SNAP47: variants seen among roughly 807,000 people sequenced by gnomAD.
SNAP47 encodes the protein synaptosomal-associated protein 47.
In SNAP47, 20 loss-of-function variants were observed where a neutral mutation model predicts 31.4. The ratio of observed to expected loss-of-function variants is 0.64; its 90% CI spans 0.45 to 0.93. The LOEUF (loss-of-function observed/expected upper bound fraction) is 0.93, where lower values mean the gene tolerates loss of function less well. SNAP47 is among the 40% of genes least tolerant of loss of function. The pLI, the probability that SNAP47 is intolerant of heterozygous loss-of-function variation, is 0.00. For synonymous variants in SNAP47, 194 were observed against 213.4 expected (o/e 0.91, Z 0.79); for missense variants, 492 against 528.5 (o/e 0.93, Z 0.68).
At chr1:227,749,018 A>G (rs1224794776) in intron 2 of SNAP47, among the ~76,000 whole-genome samples, 1 of 151,942 alleles carries the variant, frequency 6.6e-6, no homozygotes, top group Non-Finnish European at 1.5e-5. Context: ...TCTGGTTTTT[A>G]TCTTCCTACC....
At chr1:227,766,066 G>T (rs139900459) in intron 3 of SNAP47, among the ~76,000 whole-genome samples, 1 of 152,108 alleles carries the variant, frequency 6.6e-6, no homozygotes, top group Non-Finnish European at 1.5e-5. Context: ...CTGATGTCAC[G>T]CTCAGCCACT....
rs968821036 is a variant in SNAP47, at chr1:227,741,981, T to G, written c.-45-5711T>G. 6.6e-6 allele frequency among the ~76,000 whole-genome samples: 1 copy of G among 152,114 alleles called. No homozygotes were observed. Among genetic ancestry groups the G allele is most frequent in the Non-Finnish European group, 1.5e-5 (1 of 68,020 alleles). On this transcript the variant is annotated intron_variant, in intron 1 of 4. Transcript: ENST00000617596. The surrounding 1 kb of genome is among the most constrained non-coding windows in gnomAD (Gnocchi z 4.2). ...TGATAATGAGAAGAGCCTTGGTTAT[T>G]CATGTCCTAATTTTTTGGTCTTTTT... is the stretch of plus-strand genomic sequence containing the variant.
At chr1:227,742,288 G>A (rs969447457) in intron 1 of SNAP47, among the ~76,000 whole-genome samples, 2 of 152,126 alleles carry the variant, frequency 1.3e-5, no homozygotes, top group Non-Finnish European at 2.9e-5. Flanking sequence ...AGGCTGGAGT[G>A]CAGTGGTACA....
chr1:227,776,799 T>C (rs1664187434), intron 4 of SNAP47: 2 of 985,466 alleles, frequency 2.0e-6, no homozygotes, highest in South Asian at 4.7e-5. Context: ...GCACTATTAA[T>C]TAACTTCAAG....
At chr1:227,734,951 T>A, upstream of SNAP47, 1 of 1,498,546 alleles carries the variant, frequency 6.7e-7, no homozygotes. Context: ...GGCGGGGGCC[T>A]CCCGGGCCTG....
intron 2 of SNAP47, among the ~76,000 whole-genome samples, chr1:227,751,531 G>A (rs1247824719): frequency 6.6e-6 from 1 of 152,160 alleles, no homozygotes; most frequent in Non-Finnish European, 1.5e-5. Flanking sequence ...ACTGCAGGTC[G>A]CAGTGTCGGA....
rs138438937 is a variant in SNAP47, at chr1:227,768,651, C to G, written c.1113+1568C>G. ...ATGTCTGGTAATGGCACACACAGCA[C>G]TGCCTGGTAGGTGTAGCCAGCTCAC... On this transcript the variant is annotated intron_variant, in intron 4 of 4. Transcript: ENST00000617596. Among the ~76,000 whole-genome samples the G allele has an allele frequency of 3.9e-5, 6 of 152,360 alleles. No homozygotes were observed. In the East Asian group the frequency reaches 1.2e-3, roughly 29 times the overall value.
At chr1:227,736,523 T>G (rs1661188600) in intron 1 of SNAP47, 3 of 135,862 alleles carry the variant, frequency 2.2e-5, no homozygotes, top group South Asian at 2.6e-4. Context: ...TTTTTTTTTT[T>G]TTTTTTTTTT....
chr1:227,780,398 G>T (rs1411077947), intron 4 of SNAP47, 129 bp from the exon 5 acceptor site: 4 of 1,354,284 alleles, frequency 3.0e-6, no homozygotes, highest in Non-Finnish European at 4.0e-6. Flanking sequence ...GCTCCCTCCT[G>T]CTGGCTCGCA....
rs1661622730 is a variant in SNAP47, at chr1:227,741,802, C to T, written c.-45-5890C>T. ...ATGTTCCATGGGGTGTCTTCACTTC[C>T]GTCCTTGCACTGCATCTCCGTTGAC... is the stretch of plus-strand genomic sequence containing the variant. On this transcript the variant is annotated intron_variant, in intron 1 of 4. Transcript: ENST00000617596. The surrounding 1 kb of genome is among the most constrained non-coding windows in gnomAD (Gnocchi z 4.2). 1.3e-5 allele frequency among the ~76,000 whole-genome samples: 2 copies of T among 152,216 alleles called. No individual in the cohort carries two copies. The highest frequency in any genetic ancestry group is 2.1e-4 in the South Asian group (1 of 4,824).
chr1:227,733,750 G>A, upstream of SNAP47: 1 of 1,593,322 alleles, frequency 6.3e-7, no homozygotes, highest in South Asian at 1.1e-5. Flanking sequence ...CACCCCAGAG[G>A]CCTGGTCCAA....
chr1:227,732,777 T>C (rs1660751978), upstream of SNAP47: 1 of 1,591,114 alleles, frequency 6.3e-7, no homozygotes, highest in Non-Finnish European at 8.5e-7. Context: ...GAAGGGACCA[T>C]TAAGACAGAG....
At chr1:227,746,575 C>T (rs1324804225) in intron 1 of SNAP47, 1 of 152,200 alleles carries the variant, frequency 6.6e-6, no homozygotes, top group Non-Finnish European at 1.5e-5. Flanking sequence ...CTGCAGGAAC[C>T]AGGGACGGAT....
At chr1:227,776,884 G>T (rs2103001710) in intron 4 of SNAP47, 1 of 985,444 alleles carries the variant, frequency 1.0e-6, no homozygotes, top group Non-Finnish European at 1.2e-6. Flanking sequence ...CTTCAACGTA[G>T]TGAGACATTT....
Position 227,777,023 on chromosome 1 carries a change from T to C in SNAP47, c.1114-3504T>C, listed in dbSNP as rs886522393. 9.1e-6 allele frequency: 9 copies of C among 985,416 alleles called. No homozygotes were observed. In the East Asian group the frequency reaches 3.4e-4, roughly 37 times the overall value. The allele number at this position is 985,416 out of a possible 1,614,324, so 61.0% of individuals were successfully genotyped here. A position where few individuals can be genotyped will look rare whatever the true frequency, so the allele number is the denominator to read the frequency against. The stretch of plus-strand genomic sequence containing the variant: ...TTGTGCATATTATTACTGTGCTTAA[T>C]AGGCAAAACCCTAAACTATAGAAAT... On this transcript the variant is annotated intron_variant, in intron 4 of 4. Coordinates refer to ENST00000617596, the MANE Select transcript of SNAP47 (RefSeq NM_053052.4).
chr1:227,746,933 C>T (rs1662000819), intron 1 of SNAP47: 2 of 152,188 alleles, frequency 1.3e-5, no homozygotes, highest in South Asian at 2.1e-4. Context: ...ATTATCTGTA[C>T]GATGAGACAG....
At chr1:227,754,232 G>T (rs574019666) in intron 2 of SNAP47, among the ~76,000 whole-genome samples, 1 of 152,372 alleles carries the variant, frequency 6.6e-6, no homozygotes, top group Admixed American at 6.5e-5. Flanking sequence ...GCCTACAGCC[G>T]TGCTGGTGCC....
At chr1:227,730,850 C>T (rs1660594070), upstream of SNAP47, 1 of 152,342 alleles carries the variant, frequency 6.6e-6, no homozygotes, top group African/African-American at 2.4e-5. Flanking sequence ...AAGGACAGGT[C>T]ACCTCAGCTG....
chr1:227,733,956 G>A, upstream of SNAP47: 3 of 1,613,948 alleles, frequency 1.9e-6, no homozygotes, highest in Non-Finnish European at 2.5e-6. Flanking sequence ...TCCACATCCA[G>A]TGCATCCCAG....
Sources: gnomAD v4.1 joint callset for allele counts (sites outside exome capture counted in the v4.1 genomes callset) on GRCh38, gnomAD v4.1.1 for gene constraint, Gnocchi (gnomAD v3.1) non-coding constraint, MANE v1.5 for transcripts, NCBI Gene and HGNC (gene_info 2026-07-23, HGNC 2026-07-21) for gene names.